TAF1A: variants seen among roughly 807,000 people sequenced by gnomAD.
TAF1A encodes TATA box-binding protein-associated factor RNA polymerase I subunit A.
TAF1A carries 42 observed loss-of-function variants against 61.6 expected under a neutral mutation model. The observed-to-expected ratio is 0.68, with a 90% CI of 0.53 to 0.88. The LOEUF is 0.88. Among genes scored for constraint, TAF1A ranks in the 40% least tolerant of loss-of-function variants. TAF1A has a pLI of 0.00. For missense variants in TAF1A, 424 were observed against 518.7 expected, an observed-to-expected ratio of 0.82 and a Z score of 1.77; for synonymous variants, 179 against 177.7, an observed-to-expected ratio of 1.01 and a Z score of -0.06.
At chr1:222,577,879 T>C (rs1482814363) in intron 4 of TAF1A, among the ~76,000 whole-genome samples, 1 of 152,170 alleles carries the variant, frequency 6.6e-6, no homozygotes, top group African/African-American at 2.4e-5. Flanking sequence ...CAGTGTGATA[T>C]AGTGGGGAAA....
intron 7 of TAF1A, among the ~76,000 whole-genome samples, chr1:222,566,524 A>G (rs929599632): frequency 6.6e-6 from 1 of 152,222 alleles, no homozygotes; most frequent in African/African-American, 2.4e-5. Flanking sequence ...GGATGATCCC[A>G]TCTGGGGGTG....
chr1:222,577,854 C>T, intron 4 of TAF1A, among the ~76,000 whole-genome samples: 1 of 152,038 alleles, frequency 6.6e-6, no homozygotes, highest in Admixed American at 6.6e-5. Context: ...ATTATGTAAA[C>T]TTACAAACAA....
At chr1:222,556,887 G>T (rs957165365), downstream of TAF1A, among the ~76,000 whole-genome samples, 7 of 152,112 alleles carry the variant, frequency 4.6e-5, no homozygotes, top group Non-Finnish European at 1.0e-4. Context: ...GAATTTCATT[G>T]CTAGAGTATT....
intron 5 of TAF1A, among the ~76,000 whole-genome samples, chr1:222,572,585 T>G (rs1660403047): frequency 6.6e-6 from 1 of 152,182 alleles, no homozygotes; most frequent in Non-Finnish European, 1.5e-5. Context: ...TTCGAACTCC[T>G]GAGGGCTCAT....
intron 5 of TAF1A, among the ~76,000 whole-genome samples, chr1:222,575,208 T>G (rs535285040): frequency 6.6e-6 from 1 of 151,964 alleles, no homozygotes; most frequent in African/African-American, 2.4e-5. Flanking sequence ...AGGTAAGACA[T>G]TATATGGAAA....
chr1:222,577,358 G>T, intron 5 of TAF1A, 87 bp downstream of exon 5: 1 of 1,053,506 alleles, frequency 9.5e-7, no homozygotes, highest in East Asian at 2.4e-5. Context: ...TCTGGATGAA[G>T]TCAATAGGGA....
intron 2 of TAF1A, among the ~76,000 whole-genome samples, chr1:222,586,443 C>T (rs1661019318): frequency 6.6e-6 from 1 of 152,166 alleles, no homozygotes; most frequent in Admixed American, 6.5e-5. Context: ...GTCTTCCAAC[C>T]TAGCCTAGCT....
rs1470601803 is a variant in TAF1A at position 222,579,974 on chromosome 1, C to T, written c.292-102G>A. On this transcript the variant is annotated intron_variant, in intron 3 of 10. Transcript: ENST00000352967. The stretch of plus-strand genomic sequence containing the variant: ...ATTACAACATTAATAACCTGTGATT[C>T]CTTTTCCAGAGACCACTACCGTCAA... The T allele has an allele frequency of 1.0e-5, 14 of 1,377,228 alleles. No homozygotes were observed. The East Asian group carries it at 3.2e-4, about 31-fold the overall frequency. 85.3% of individuals were successfully genotyped at this position (1,377,228 alleles called of 1,614,324 possible). A position where few individuals can be genotyped will look rare whatever the true frequency, so the allele number is the denominator to read the frequency against.
intron 8 of TAF1A, among the ~76,000 whole-genome samples, chr1:222,563,679 A>G (rs146219301): frequency 1.3e-5 from 2 of 152,352 alleles, no homozygotes; most frequent in East Asian, 3.9e-4. Flanking sequence ...ATTTTCTTCT[A>G]TGAAGGAGCA....
At chr1:222,556,526 T>C (rs1659728672), downstream of TAF1A, among the ~76,000 whole-genome samples, 1 of 152,202 alleles carries the variant, frequency 6.6e-6, no homozygotes, top group South Asian at 2.1e-4. Flanking sequence ...TTTTCTTTAT[T>C]GGTAAAATAG....
chr1:222,560,738 G>T (rs981988284), intron 10 of TAF1A, among the ~76,000 whole-genome samples: 1 of 152,096 alleles, frequency 6.6e-6, no homozygotes. Context: ...CTTACTAGTG[G>T]TCACTGTAAG....
At chr1:222,580,393 AT>A (rs1660740701) in intron 3 of TAF1A, among the ~76,000 whole-genome samples, 1 of 152,352 alleles carries the variant, frequency 6.6e-6, no homozygotes, top group African/African-American at 2.4e-5. Flanking sequence ...TAATAAAAAA[AT>A]ATTTTATCCT....
At chr1:222,575,124 C>G (rs1355686613) in intron 5 of TAF1A, among the ~76,000 whole-genome samples, 1 of 152,036 alleles carries the variant, frequency 6.6e-6, no homozygotes, top group Non-Finnish European at 1.5e-5. Flanking sequence ...CAAACAGAGG[C>G]ACTGGTATCT....
chr1:222,580,753 AG>A (rs903239587), intron 3 of TAF1A, among the ~76,000 whole-genome samples: 7 of 147,416 alleles, frequency 4.7e-5, no homozygotes, highest in Non-Finnish European at 1.0e-4. Context: ...GGGTAAATGC[AG>A]GGGGGGAAGA....
intron 7 of TAF1A, among the ~76,000 whole-genome samples, chr1:222,564,425 C>A (rs1264733708): frequency 6.6e-6 from 1 of 150,648 alleles, no homozygotes; most frequent in Non-Finnish European, 1.5e-5. Flanking sequence ...CTGTTTACCA[C>A]GCTCAACAAC....
intron 7 of TAF1A, among the ~76,000 whole-genome samples, chr1:222,568,181 GAA>G (rs34547178): frequency 0.095 from 11,377 of 119,384 alleles, 395 homozygotes; most frequent in Middle Eastern, 0.12. Flanking sequence ...AACACATCTA[GAA>G]AAAAAAAAAA....
chr1:222,556,643 G>C (rs921776905), downstream of TAF1A, among the ~76,000 whole-genome samples: 7 of 152,184 alleles, frequency 4.6e-5, no homozygotes, highest in African/African-American at 1.7e-4. Flanking sequence ...CCTAAAAAAA[G>C]TTTCACAGGT....
At chr1:222,554,221 A>G (rs559484501), downstream of TAF1A, among the ~76,000 whole-genome samples, 1 of 152,360 alleles carries the variant, frequency 6.6e-6, no homozygotes, top group East Asian at 1.9e-4. Flanking sequence ...AGTTCTTGGT[A>G]TAGGCAGGAG....
At chr1:222,570,446 T>A in intron 6 of TAF1A, 89 bp downstream of exon 6, 1 of 1,297,594 alleles carries the variant, frequency 7.7e-7, no homozygotes, top group Non-Finnish European at 1.0e-6. Flanking sequence ...TCCATTAGTT[T>A]CTTTCTGATC....
Sources: allele counts gnomAD v4.1 joint callset (sites outside exome capture counted in the v4.1 genomes callset), GRCh38; gene constraint gnomAD v4.1.1; transcripts MANE v1.5; gene names NCBI Gene and HGNC (gene_info 2026-07-23, HGNC 2026-07-21).